The following SAMD14 variants were observed in gnomAD, a reference collection of about 807,000 sequenced individuals.
SAMD14 encodes sterile alpha motif domain containing 14, also known as sterile alpha motif domain-containing protein 14.
In SAMD14, 27 loss-of-function variants were observed where a neutral mutation model predicts 46.2. The ratio of observed to expected loss-of-function variants is 0.58; its 90% CI spans 0.43 to 0.81. The LOEUF (loss-of-function observed/expected upper bound fraction) is 0.81, where lower values mean the gene tolerates loss of function less well. Among genes scored for constraint, SAMD14 ranks in the 30% least tolerant of loss-of-function variants. SAMD14 has a pLI of 0.00. For synonymous variants in SAMD14, 241 were observed against 254.3 expected (o/e 0.95, Z 0.50); for missense variants, 559 against 582.2 (o/e 0.96, Z 0.41).
intron 9 of SAMD14, chr17:50,113,584 CA>C (rs929204724): frequency 2.7e-4 from 92 of 341,710 alleles, no homozygotes; most frequent in African/African-American, 1.9e-3. Flanking sequence ...CCAAGCTGAC[CA>C]GGGGGAGATG....
rs746412967 is a variant in SAMD14 at position 50,112,869 on chromosome 17, G to T, written c.*24C>A. On this transcript the variant is annotated 3_prime_UTR_variant, in exon 10 of 10. Transcript: ENST00000330175. ...CGGAGCCAGTGGCTGCCCCTGCCGG[G>T]TGCCAGCGCCTGTGCACCCTCCCCT... The T allele has an allele frequency of 6.3e-7, 1 of 1,589,850 alleles. No individual in the cohort carries two copies. Among genetic ancestry groups the T allele is most frequent in the Non-Finnish European group, 8.5e-7 (1 of 1,173,814 alleles).
Position 50,113,468 on chromosome 17 carries a change from A to C in SAMD14, c.1099-420T>G, listed in dbSNP as rs149892349. The C allele has an allele frequency of 1.9e-4, 48 of 258,588 alleles. 1 individual carries two copies. Among genetic ancestry groups the C allele is most frequent in the Non-Finnish European group, 3.0e-4 (40 of 133,642 alleles). The allele number at this position is 258,588 out of a possible 1,614,324, so 16.0% of individuals were successfully genotyped here. ...TGCCCCAAGCAACTCAGCAGAGAGC[A>C]GGAGACAGGCCAGGAACCTCCCAGC... On this transcript the variant is annotated intron_variant, in intron 9 of 9. Coordinates refer to ENST00000330175, the MANE Select transcript of SAMD14 (RefSeq NM_001257359.2).
chr17:50,115,911 G>T lies in SAMD14; in HGVS notation c.588-7C>A. ...TGCTCGGCGCAGGGTGACCCTGTGGGGAGGCAGCAGGAAGTGGGGCAGGGC... is the reference window on the plus strand; with the variant it reads ...TGCTCGGCGCAGGGTGACCCTGTGGTGAGGCAGCAGGAAGTGGGGCAGGGC... On this transcript the variant is annotated splice_region_variant and splice_polypyrimidine_tract_variant and intron_variant, in intron 5 of 9. Transcript: ENST00000330175. The surrounding 1 kb of genome is among the most constrained non-coding windows in gnomAD (Gnocchi z 5.3). 6.2e-7 allele frequency: 1 copy of T among 1,612,948 alleles called. No individual in the cohort carries two copies. Among genetic ancestry groups the T allele is most frequent in the Non-Finnish European group, 8.5e-7 (1 of 1,179,524 alleles).
intron 1 of SAMD14, among the ~76,000 whole-genome samples, chr17:50,125,540 C>T (rs549561350): frequency 6.6e-6 from 1 of 152,242 alleles, no homozygotes; most frequent in East Asian, 1.9e-4. Flanking sequence ...CTTGCCTACT[C>T]ATCATCCATT....
chr17:50,118,389 CCCACCTCAGGGG>C, intron 2 of SAMD14, 62 bp from the exon 3 acceptor site: 7 of 1,581,592 alleles, frequency 4.4e-6, no homozygotes, highest in Non-Finnish European at 6.0e-6. Context: ...AGCCCAGAGG[CCCACCTCAGGGG>C]CCACCTGCAC....
At chr17:50,122,176 C>T (rs186605197) in intron 2 of SAMD14, among the ~76,000 whole-genome samples, 18 of 152,314 alleles carry the variant, frequency 1.2e-4, no homozygotes, top group Non-Finnish European at 2.6e-4. Flanking sequence ...CACCGTCTGA[C>T]AGCCGCACCA....
Position 50,114,320 on chromosome 17 carries a change from G to T in SAMD14, c.823-14C>A, listed in dbSNP as rs773862874. On this transcript the variant is annotated splice_polypyrimidine_tract_variant and intron_variant, in intron 7 of 9. Transcript: ENST00000330175. The stretch of plus-strand genomic sequence containing the variant: ...CAGAGTGGATTCCTAGACAGAAAAA[G>T]GTGCATGCCACTGAGGAGAGTTCAC... The T allele has an allele frequency of 6.2e-7, 1 of 1,613,938 alleles. No homozygotes were observed. Among genetic ancestry groups the T allele is most frequent in the Non-Finnish European group, 8.5e-7 (1 of 1,180,026 alleles).
rs972072793 is a variant in SAMD14, at chr17:50,129,618, C to A, written c.-114G>T. 6.6e-6 allele frequency: 1 copy of A among 151,830 alleles called. No homozygotes were observed. The highest frequency in any genetic ancestry group is 2.4e-5 in the African/African-American group (1 of 41,346). The allele number at this position is 151,830 out of a possible 1,614,324, so 9.4% of individuals were successfully genotyped here. A position where few individuals can be genotyped will look rare whatever the true frequency, so the allele number is the denominator to read the frequency against. ...CAGGAGAGGGGTGGGGGGACCGTCACCCCGGCCGCGGGGGGCTCCGGGCGG... is the reference window on the plus strand; with the variant it reads ...CAGGAGAGGGGTGGGGGGACCGTCAACCCGGCCGCGGGGGGCTCCGGGCGG... On this transcript the variant is annotated 5_prime_UTR_variant, in exon 1 of 10. Transcript: ENST00000330175. The surrounding 1 kb of genome is among the most constrained non-coding windows in gnomAD (Gnocchi z 5.6).
rs1331859703 is a variant in SAMD14, at chr17:50,118,196, C to T, written c.175G>A (p.Glu59Lys). Residue 59 changes from glutamate to lysine, a missense_variant, in exon 3 of 10, where the codon GAG becomes AAG. Glu to Lys is a moderately conservative substitution (Grantham distance 56). Transcript: ENST00000330175. ...GGCCCATCCGAGCCTTCACCATCCT[C>T]CGCGGAGCTGGCACTGTCCCGAAGC... Reference protein sequence around the residue: ...SRLRDSASSAEDGEGSDGPGG... With the variant: ...SRLRDSASSAKDGEGSDGPGG... 6.2e-7 allele frequency: 1 copy of T among 1,610,376 alleles called. No individual in the cohort carries two copies. Among genetic ancestry groups the T allele is most frequent in the Non-Finnish European group, 8.5e-7 (1 of 1,177,470 alleles).
Position 50,115,654 on chromosome 17 carries a change from G to A in SAMD14, c.732C>T (p.Ser244=), listed in dbSNP as rs144402623. 212 of 1,608,272 alleles carry A rather than the reference G, an allele frequency of 1.3e-4. No homozygotes were observed. The highest frequency in any genetic ancestry group is 3.3e-4 in the Middle Eastern group (2 of 6,040). Residue 244 remains serine, a synonymous_variant, in exon 7 of 10, where the codon AGC becomes AGT. Transcript: ENST00000330175. The surrounding 1 kb of genome is among the most constrained non-coding windows in gnomAD (Gnocchi z 5.3). ...TACCCGAGGATGCTGAGCCCTTGCC[G>A]CTGTCCGTGAACCAGGAAAAAGGCA... The part of the protein sequence containing the change: ...PFLPFSWFTD[S]GKGSASSGST...
At position 50,112,903 on chromosome 17, in the gene SAMD14, T is replaced by C; in HGVS notation, c.1244A>G (p.Lys415Arg). Residue 415 changes from lysine (K) to arginine (R), a missense_variant, in exon 10 of 10, where the codon AAG becomes AGG. Lys to Arg is a conservative substitution (Grantham distance 26). Coordinates refer to ENST00000330175, the MANE Select transcript of SAMD14 (RefSeq NM_001257359.2). ...EKLRRREQEA[K>R]KS ...CCTGTGCACCCTCCCCTAGCTCTTCTTGGCCTCCTGCTCTCGGCGCCGGAG... is the reference window on the plus strand; with the variant it reads ...CCTGTGCACCCTCCCCTAGCTCTTCCTGGCCTCCTGCTCTCGGCGCCGGAG... 6.2e-7 allele frequency: 1 copy of C among 1,605,292 alleles called. No homozygotes were observed. Among genetic ancestry groups the C allele is most frequent in the East Asian group, 2.2e-5 (1 of 44,848 alleles).
intron 1 of SAMD14, among the ~76,000 whole-genome samples, chr17:50,125,611 T>G (rs1009637797): frequency 6.6e-6 from 1 of 152,130 alleles, no homozygotes; most frequent in Admixed American, 6.6e-5. Flanking sequence ...ACCCAACACC[T>G]GCCGCCATCT....
At chr17:50,113,255 G>C in intron 9 of SAMD14, 3 of 588,438 alleles carry the variant, frequency 5.1e-6, no homozygotes, top group East Asian at 5.9e-5. Flanking sequence ...GAAAGATGAG[G>C]GTTGGGGGTA....
intron 4 of SAMD14, among the ~76,000 whole-genome samples, chr17:50,117,012 G>A (rs1911239915): frequency 2.6e-5 from 4 of 151,934 alleles, no homozygotes; most frequent in Admixed American, 2.6e-4. Flanking sequence ...CATACCACGC[G>A]GGGCTAATTT....
chr17:50,117,545 G>A lies in SAMD14; in HGVS notation c.361C>T (p.Arg121Cys). 3.9e-6 allele frequency: 6 copies of A among 1,554,062 alleles called. No homozygotes were observed. The highest frequency in any genetic ancestry group is 2.5e-5 in the East Asian group (1 of 40,082). Residue 121 changes from arginine to cysteine, a missense_variant, in exon 4 of 10, where the codon CGC becomes TGC. Coordinates refer to ENST00000330175, the MANE Select transcript of SAMD14 (RefSeq NM_001257359.2). ...EDEPPPSPLT[R>C]YRPLHNAASH... ...GCAGCGTTGTGCAGGGGCCGGTAGC[G>A]TGTGAGCGGCGAGGGCGGCGGCTCG...
rs918763011 is a variant in SAMD14 at position 50,130,139 on chromosome 17, C to G, written c.-635G>C. On this transcript the variant is annotated 5_prime_UTR_variant, in exon 1 of 10. Coordinates refer to ENST00000330175, the MANE Select transcript of SAMD14 (RefSeq NM_001257359.2). This position sits in a 1 kb window ranked among gnomAD's most constrained non-coding sequence, Gnocchi z 4.1. ...GGGGAGCGGAGTTGCAGCTACTTCT[C>G]TGCCCGCGGGAGACGCGGCGCACCG... is the stretch of plus-strand genomic sequence containing the variant. Among the ~76,000 whole-genome samples the G allele has an allele frequency of 6.6e-6, 1 of 152,042 alleles. No homozygotes were observed. Among genetic ancestry groups the G allele is most frequent in the Non-Finnish European group, 1.5e-5 (1 of 67,968 alleles).
At chr17:50,114,352 C>T (rs1172777376) in intron 7 of SAMD14, 46 bp from the exon 8 acceptor site, 3 of 1,613,948 alleles carry the variant, frequency 1.9e-6, no homozygotes, top group South Asian at 1.1e-5. Context: ...TCACCCCCAA[C>T]CCACCATCCC....
chr17:50,117,275 G>A lies in SAMD14; in HGVS notation c.499+132C>T, dbSNP rs1911254652. ...GCTCGGTAAAGAATGAGTGAGCGGC[G>A]GCGTTTACTCTTCACCTCCCCCAGC... On this transcript the variant is annotated intron_variant, in intron 4 of 9. Coordinates refer to ENST00000330175, the MANE Select transcript of SAMD14 (RefSeq NM_001257359.2). 9.4e-6 allele frequency: 8 copies of A among 851,218 alleles called. No homozygotes were observed. In the Admixed American group the frequency reaches 2.2e-4, roughly 23 times the overall value. The allele number at this position is 851,218 out of a possible 1,614,324, so 52.7% of individuals were successfully genotyped here. A position where few individuals can be genotyped will look rare whatever the true frequency, so the allele number is the denominator to read the frequency against.
chr17:50,113,889 C>T (rs781190505), intron 9 of SAMD14, 35 bp downstream of exon 9: 3 of 1,611,900 alleles, frequency 1.9e-6, no homozygotes, highest in Non-Finnish European at 2.5e-6. Context: ...CCTCAAGTAA[C>T]TGGGCTGGGT....
Sources: gnomAD v4.1 joint callset for allele counts (sites outside exome capture counted in the v4.1 genomes callset) on GRCh38, gnomAD v4.1.1 for gene constraint, Gnocchi (gnomAD v3.1) non-coding constraint, MANE v1.5 for transcripts, NCBI Gene and HGNC (gene_info 2026-07-23, HGNC 2026-07-21) for gene names.